Variants in MGME1 observed in about 807,000 individuals in gnomAD.
The protein encoded by MGME1 is chromosome 20 open reading frame 72.
In MGME1, 22 loss-of-function variants were observed where a neutral mutation model predicts 33.0. That is an observed-to-expected ratio of 0.67 (90% CI 0.48 to 0.95). The LOEUF is 0.95. Ranked by LOEUF, MGME1 falls within the 40% of genes least tolerant of loss-of-function variation. The pLI is 0.00. For missense variants in MGME1, 383 were observed against 397.8 expected (o/e 0.96, Z 0.32); for synonymous variants, 133 against 144.0 (o/e 0.92, Z 0.55).
rs142001430 is a variant in MGME1, at chr20:17,969,694, T to G, written c.-59-107T>G. ...GAGGCAGGGTCTCGCTCTGTCGACTTTCTTAAGAAAGGGCTCTGTCCAAAC... is the reference window on the plus strand; with the variant it reads ...GAGGCAGGGTCTCGCTCTGTCGACTGTCTTAAGAAAGGGCTCTGTCCAAAC... On this transcript the variant is annotated intron_variant, in intron 1 of 4. Transcript: ENST00000377710. 12,577 of 677,250 alleles carry G rather than the reference T, an allele frequency of 0.019. 156 individuals are homozygous for G. Among genetic ancestry groups the G allele is most frequent in the Admixed American group, 0.024 (695 of 28,816 alleles). The allele number at this position is 677,250 out of a possible 1,614,324, so 42.0% of individuals were successfully genotyped here.
At chr20:17,976,285 G>A (rs868672544) in intron 3 of MGME1, among the ~76,000 whole-genome samples, 6 of 151,980 alleles carry the variant, frequency 3.9e-5, no homozygotes, top group Non-Finnish European at 8.8e-5. Context: ...CACCGCACCT[G>A]GCTAATTTTT....
In MGME1 at chr20:17,969,792, C is replaced by G; in HGVS notation, c.-59-9C>G. 6.8e-7 allele frequency: 1 copy of G among 1,462,114 alleles called. No individual in the cohort carries two copies. The highest frequency in any genetic ancestry group is 9.2e-7 in the Non-Finnish European group (1 of 1,089,548). The allele number at this position is 1,462,114 out of a possible 1,614,324, so 90.6% of individuals were successfully genotyped here. On this transcript the variant is annotated splice_polypyrimidine_tract_variant and intron_variant, in intron 1 of 4. Coordinates refer to ENST00000377710, the MANE Select transcript of MGME1 (RefSeq NM_052865.4). ...GCTTTCGCTTTGATGGTTGTTTTCT[C>G]TCCAATAGGAATACAAACATAAAGG...
chr20:17,983,821 G>A (rs2036091438), intron 3 of MGME1, among the ~76,000 whole-genome samples: 1 of 152,116 alleles, frequency 6.6e-6, no homozygotes, highest in African/African-American at 2.4e-5. Context: ...AGTTGTTTGA[G>A]TTCCTTATAT....
intron 3 of MGME1, among the ~76,000 whole-genome samples, chr20:17,976,956 C>T (rs916130594): frequency 3.3e-5 from 5 of 152,032 alleles, no homozygotes; most frequent in South Asian, 4.1e-4. Flanking sequence ...CCACCACGCC[C>T]GGTCCCCATG....
chr20:17,977,162 G>A (rs1187216743), intron 3 of MGME1, among the ~76,000 whole-genome samples: 2 of 151,982 alleles, frequency 1.3e-5, no homozygotes, highest in Non-Finnish European at 2.9e-5. Context: ...GATCACCTGA[G>A]GTCAGGAGTT....
At chr20:17,988,793 T>C (rs1416168973) in intron 4 of MGME1, among the ~76,000 whole-genome samples, 5 of 152,038 alleles carry the variant, frequency 3.3e-5, no homozygotes, top group African/African-American at 1.2e-4. Context: ...TCTTCCTTGT[T>C]CCTTTCCCAC....
At chr20:17,980,376 C>G (rs1896600207) in intron 3 of MGME1, among the ~76,000 whole-genome samples, 1 of 152,006 alleles carries the variant, frequency 6.6e-6, no homozygotes, top group Admixed American at 6.6e-5. Flanking sequence ...TCCCCACACC[C>G]ACTCTGTATT....
At position 17,972,746 on chromosome 20, in the gene MGME1, C is replaced by T. The variant is rs1472942989; in HGVS notation, c.511+2376C>T. ...GATCATGTGTATATGAAGAACCTAG[C>T]CAGGGGTAAGTTTGCAGCGAGAAAT... On this transcript the variant is annotated intron_variant, in intron 2 of 4. Coordinates refer to ENST00000377710, the MANE Select transcript of MGME1 (RefSeq NM_052865.4). The T allele has an allele frequency of 6.1e-6, 6 of 985,192 alleles. No homozygotes were observed. The South Asian group carries it at 1.9e-4, about 31-fold the overall frequency. The allele number at this position is 985,192 out of a possible 1,614,324, so 61.0% of individuals were successfully genotyped here. A position where few individuals can be genotyped will look rare whatever the true frequency, so the allele number is the denominator to read the frequency against.
At position 17,969,870 on chromosome 20, in the gene MGME1, AG is replaced by A; in HGVS notation, c.12del (p.Lys4AsnfsTer38). ...TGAAAACAAATCTGAATGAAGATGA[AG>A]TTATTTCAGACCATTTGCAGGCAGC... The part of the protein sequence containing the change: MKM[K>X]LFQTICRQLR... On this transcript the variant is annotated frameshift_variant, in exon 2 of 5. Coordinates refer to ENST00000377710, the MANE Select transcript of MGME1 (RefSeq NM_052865.4). LOFTEE classifies it high-confidence loss of function. The A allele has an allele frequency of 2.5e-6, 4 of 1,607,390 alleles. No homozygotes were observed. The highest frequency in any genetic ancestry group is 3.4e-6 in the Non-Finnish European group (4 of 1,177,916).
Position 17,969,855 on chromosome 20 carries a change from T to C in MGME1, c.-5T>C. ...GCAAATAGACTAAAGTGAAAACAAA[T>C]CTGAATGAAGATGAAGTTATTTCAG... On this transcript the variant is annotated 5_prime_UTR_variant, in exon 2 of 5. Coordinates refer to ENST00000377710, the MANE Select transcript of MGME1 (RefSeq NM_052865.4). 2.5e-6 allele frequency: 4 copies of C among 1,598,956 alleles called. No individual in the cohort carries two copies. The highest frequency in any genetic ancestry group is 3.4e-6 in the Non-Finnish European group (4 of 1,174,390).
chr20:17,973,092 C>A (rs1184002979), intron 2 of MGME1, among the ~76,000 whole-genome samples: 1 of 152,118 alleles, frequency 6.6e-6, no homozygotes, highest in African/African-American at 2.4e-5. Context: ...TGCCTGTAAT[C>A]CTAGCACTTT....
intron 3 of MGME1, among the ~76,000 whole-genome samples, chr20:17,979,497 C>G (rs185685538): frequency 6.7e-6 from 1 of 148,470 alleles, no homozygotes; most frequent in Non-Finnish European, 1.5e-5. Flanking sequence ...CTGCACGCTC[C>G]GCCTCGGGTT....
chr20:17,983,267 T>TTTGTGTGTGTGTGTGTGTGTGTGTGTG (rs79417227), intron 3 of MGME1, among the ~76,000 whole-genome samples: 6 of 142,686 alleles, frequency 4.2e-5, no homozygotes, highest in South Asian at 2.3e-4. Flanking sequence ...TAGTGTTCTA[T>TTTGTGTGTGTGTGTGTGTGTGTGTGTG]TGTGTGTGTG....
chr20:17,971,446 T>C (rs2035726521), intron 2 of MGME1, among the ~76,000 whole-genome samples: 1 of 152,242 alleles, frequency 6.6e-6, no homozygotes, highest in African/African-American at 2.4e-5. Context: ...AATGGCATCT[T>C]ACAGTTTTGT....
At chr20:17,983,640 C>T (rs998834590) in intron 3 of MGME1, among the ~76,000 whole-genome samples, 6 of 152,168 alleles carry the variant, frequency 3.9e-5, no homozygotes, top group Non-Finnish European at 8.8e-5. Flanking sequence ...GCCATTCTAA[C>T]AGGCATGAGG....
intron 2 of MGME1, chr20:17,972,860 T>G: frequency 1.2e-5 from 9 of 758,418 alleles, no homozygotes; most frequent in Non-Finnish European, 1.3e-5. Flanking sequence ...AGTGTGTAGA[T>G]GAATGCTATA....
chr20:17,981,267 C>T (rs1013073253), intron 3 of MGME1, among the ~76,000 whole-genome samples: 1 of 152,170 alleles, frequency 6.6e-6, no homozygotes, highest in Non-Finnish European at 1.5e-5. Context: ...TCTCTAGATA[C>T]ACAGCATCAC....
intron 4 of MGME1, 54 bp downstream of exon 4, chr20:17,988,352 T>C: frequency 6.3e-7 from 1 of 1,584,150 alleles, no homozygotes; most frequent in Non-Finnish European, 8.6e-7. Context: ...CTTAAAACTA[T>C]AACTCCGGGC....
At chr20:17,973,257 T>G (rs1359485850) in intron 2 of MGME1, among the ~76,000 whole-genome samples, 1 of 152,022 alleles carries the variant, frequency 6.6e-6, no homozygotes. Context: ...GGCAGGAGAA[T>G]CGCTTGAACC....
Sources: allele counts gnomAD v4.1 joint callset (sites outside exome capture counted in the v4.1 genomes callset), GRCh38; gene constraint gnomAD v4.1.1; transcripts MANE v1.5; gene names NCBI Gene and HGNC (gene_info 2026-07-23, HGNC 2026-07-21).